The following DAPK1 variants were observed in gnomAD, a reference collection of about 807,000 sequenced individuals.
The protein encoded by DAPK1 is death-associated protein kinase 1.
DAPK1 carries 56 observed loss-of-function variants against 144.9 expected under a neutral mutation model. The observed-to-expected ratio is 0.39, with a 90% CI of 0.31 to 0.48. The LOEUF (loss-of-function observed/expected upper bound fraction) is 0.48, where lower values mean the gene tolerates loss of function less well. Among genes scored for constraint, DAPK1 ranks in the 20% least tolerant of loss-of-function variants. The pLI is 0.95. For synonymous variants in DAPK1, 690 were observed against 749.0 expected, an observed-to-expected ratio of 0.92 and a Z score of 1.29; for missense variants, 1,454 against 1,875.4, an observed-to-expected ratio of 0.78 and a Z score of 4.15.
chr9:87,503,105 G>T (rs778331541), intron 2 of DAPK1, among the ~76,000 whole-genome samples: 4 of 152,160 alleles, frequency 2.6e-5, no homozygotes, highest in Non-Finnish European at 5.9e-5. Flanking sequence ...CCCTGGTAGA[G>T]TGTTGTTAGA....
At chr9:87,579,088 C>T (rs1325382750) in intron 2 of DAPK1, among the ~76,000 whole-genome samples, 2 of 152,198 alleles carry the variant, frequency 1.3e-5, no homozygotes, top group African/African-American at 4.8e-5. Context: ...TTAAATTATT[C>T]AGGCTCACCG....
rs114780468 is a variant in DAPK1 at position 87,501,665 on chromosome 9, G to A, written c.62+2526G>A. ...AAGTACATAGCCAGGAGGAAAGATG[G>A]GTTTTTGAAGAAGTAGAGTACAAGT... On this transcript the variant is annotated intron_variant, in intron 2 of 25. Transcript: ENST00000408954. Among the ~76,000 whole-genome samples, 418 of 152,306 alleles carry A rather than the reference G, an allele frequency of 2.7e-3. 2 individuals are homozygous for A. Among genetic ancestry groups the A allele is most frequent in the African/African-American group, 9.8e-3 (409 of 41,560 alleles).
At chr9:87,601,740 C>G (rs1828525946) in intron 2 of DAPK1, among the ~76,000 whole-genome samples, 1 of 152,176 alleles carries the variant, frequency 6.6e-6, no homozygotes, top group Admixed American at 6.5e-5. Flanking sequence ...AAGACAGGCA[C>G]TTATTATGCC....
At chr9:87,550,057 A>G (rs532840487) in intron 2 of DAPK1, among the ~76,000 whole-genome samples, 3 of 152,214 alleles carry the variant, frequency 2.0e-5, no homozygotes, top group Non-Finnish European at 4.4e-5. Flanking sequence ...GAAATGCAGA[A>G]GTCCTAAGCA....
intron 2 of DAPK1, among the ~76,000 whole-genome samples, chr9:87,603,058 C>T (rs1301683329): frequency 1.3e-5 from 2 of 152,058 alleles, no homozygotes; most frequent in Non-Finnish European, 2.9e-5. Context: ...TATGAATGGG[C>T]CCAGCCTCTG....
At chr9:87,532,788 A>G (rs919127243) in intron 2 of DAPK1, among the ~76,000 whole-genome samples, 2 of 152,140 alleles carry the variant, frequency 1.3e-5, no homozygotes, top group African/African-American at 4.8e-5. Flanking sequence ...ATTTTTAAAT[A>G]TACAGAGAAG....
chr9:87,579,597 C>T (rs939736470), intron 2 of DAPK1, among the ~76,000 whole-genome samples: 1 of 152,112 alleles, frequency 6.6e-6, no homozygotes, highest in Non-Finnish European at 1.5e-5. Flanking sequence ...CTGAGCATCA[C>T]TTGGGAGGTA....
chr9:87,567,189 CCT>C (rs1827160632), intron 2 of DAPK1, among the ~76,000 whole-genome samples: 1 of 152,176 alleles, frequency 6.6e-6, no homozygotes, highest in Non-Finnish European at 1.5e-5. Context: ...AAATGCTTGG[CCT>C]CTCCTCCCGT....
intron 19 of DAPK1, among the ~76,000 whole-genome samples, chr9:87,680,651 A>ACG (rs995783643): frequency 8.7e-6 from 1 of 114,428 alleles, no homozygotes; most frequent in African/African-American, 2.7e-5. Flanking sequence ...ACACACACAC[A>ACG]CGCGCACACA....
Position 87,706,359 on chromosome 9 carries a change from C to T in DAPK1, c.3288C>T (p.Ser1096=). The T allele has an allele frequency of 6.2e-7, 1 of 1,608,754 alleles. No individual in the cohort carries two copies. The highest frequency in any genetic ancestry group is 8.5e-7 in the Non-Finnish European group (1 of 1,177,462). Residue 1096 remains serine (S), a synonymous_variant, in exon 26 of 26, where the codon AGC becomes AGT. Transcript: ENST00000408954. This position sits in a 1 kb window ranked among gnomAD's most constrained non-coding sequence, Gnocchi z 9.0. ...TGGACATCTGCGCCCGGGACCTGAG[C>T]AGCGGGACCATGGTGGACGTCCCAG... ...DAMDICARDL[S]SGTMVDVPAL...
At chr9:87,511,813 C>T (rs1257406954) in intron 2 of DAPK1, among the ~76,000 whole-genome samples, 9 of 151,560 alleles carry the variant, frequency 5.9e-5, no homozygotes, top group African/African-American at 1.9e-4. Context: ...TGGTTTCAAG[C>T]GATTCTCCTG....
At chr9:87,529,698 C>G (rs985232962) in intron 2 of DAPK1, among the ~76,000 whole-genome samples, 1 of 152,200 alleles carries the variant, frequency 6.6e-6, no homozygotes, top group Admixed American at 6.5e-5. Flanking sequence ...AGTGGACGTG[C>G]CTTTATCTGC....
intron 23 of DAPK1, among the ~76,000 whole-genome samples, chr9:87,699,033 C>A (rs1825371323): frequency 6.6e-6 from 1 of 152,194 alleles, no homozygotes; most frequent in Non-Finnish European, 1.5e-5. Flanking sequence ...ATATACATAG[C>A]AGTTGAACAT....
intron 2 of DAPK1, among the ~76,000 whole-genome samples, chr9:87,584,580 A>G (rs555939862): frequency 3.9e-5 from 6 of 152,240 alleles, no homozygotes; most frequent in Non-Finnish European, 7.4e-5. Context: ...ACAGTGTACA[A>G]GGGTTCTCTT....
chr9:87,629,943 A>G (rs1829613510), intron 3 of DAPK1, among the ~76,000 whole-genome samples: 2 of 152,246 alleles, frequency 1.3e-5, no homozygotes, highest in South Asian at 4.1e-4. Context: ...GTGCCTGTGA[A>G]CAGTCCACTT....
chr9:87,603,114 C>T (rs1828587094), intron 2 of DAPK1, among the ~76,000 whole-genome samples: 1 of 152,064 alleles, frequency 6.6e-6, no homozygotes, highest in Non-Finnish European at 1.5e-5. Flanking sequence ...GCTGGGCCTC[C>T]CTATCCTGGG....
At chr9:87,692,284 T>G (rs1825085900) in intron 21 of DAPK1, among the ~76,000 whole-genome samples, 3 of 152,010 alleles carry the variant, frequency 2.0e-5, no homozygotes, top group Admixed American at 6.5e-5. Context: ...CTGATATAAG[T>G]ACAGCAACTT....
At chr9:87,567,192 C>T (rs1184803829) in intron 2 of DAPK1, among the ~76,000 whole-genome samples, 2 of 152,186 alleles carry the variant, frequency 1.3e-5, no homozygotes, top group Non-Finnish European at 2.9e-5. Context: ...TGCTTGGCCT[C>T]TCCTCCCGTG....
intron 2 of DAPK1, among the ~76,000 whole-genome samples, chr9:87,503,681 T>C (rs1033336111): frequency 3.9e-5 from 6 of 152,290 alleles, no homozygotes; most frequent in African/African-American, 1.4e-4. Context: ...ATGTATGTAT[T>C]AGGGCCTCAA....
Sources: allele counts gnomAD v4.1 joint callset (sites outside exome capture counted in the v4.1 genomes callset), GRCh38; gene constraint gnomAD v4.1.1; non-coding constraint Gnocchi (gnomAD v3.1); transcripts MANE v1.5; gene names NCBI Gene and HGNC (gene_info 2026-07-23, HGNC 2026-07-21).